ERCC8: variants seen among roughly 807,000 people sequenced by gnomAD.
ERCC8 encodes the protein ERCC excision repair 8, CSA ubiquitin ligase complex subunit.
ERCC8 carries 52 observed loss-of-function variants against 54.9 expected under a neutral mutation model. The observed-to-expected ratio is 0.95, with a 90% confidence interval of 0.76 to 1.19. The LOEUF (loss-of-function observed/expected upper bound fraction) is 1.19, where lower values mean the gene tolerates loss of function less well. ERCC8 is among the 50% of genes most tolerant of loss of function. The pLI is 0.00. For synonymous variants in ERCC8, 146 were observed against 157.2 expected (o/e 0.93, Z 0.53); for missense variants, 514 against 466.1 (o/e 1.10, Z -0.95).
At chr5:60,920,269 A>C (rs1414377153) in intron 3 of ERCC8, among the ~76,000 whole-genome samples, 1 of 152,002 alleles carries the variant, frequency 6.6e-6, no homozygotes, top group Non-Finnish European at 1.5e-5. Flanking sequence ...ATTTCGCTTA[A>C]GATAAGCAGA....
At chr5:60,927,426 T>C (rs1327754383) in intron 2 of ERCC8, among the ~76,000 whole-genome samples, 1 of 152,256 alleles carries the variant, frequency 6.6e-6, no homozygotes, top group African/African-American at 2.4e-5. Context: ...AGTTGTAGAC[T>C]TTTACCGTGC....
intron 1 of ERCC8, among the ~76,000 whole-genome samples, chr5:60,937,521 C>T (rs957901480): frequency 6.6e-6 from 1 of 152,116 alleles, no homozygotes; most frequent in Non-Finnish European, 1.5e-5. Flanking sequence ...GAGTTATGTT[C>T]CCAGGGGGAT....
At chr5:60,915,089 C>G (rs955462024) in intron 4 of ERCC8, 1 of 151,904 alleles carries the variant, frequency 6.6e-6, no homozygotes, top group Non-Finnish European at 1.5e-5. Context: ...GATATGCTGG[C>G]CCCATAAAAA....
chr5:60,912,941 C>G (rs1461401040), intron 4 of ERCC8, among the ~76,000 whole-genome samples: 1 of 152,094 alleles, frequency 6.6e-6, no homozygotes, highest in African/African-American at 2.4e-5. Context: ...AGGGATGAAG[C>G]CCACTTGATC....
intron 4 of ERCC8, among the ~76,000 whole-genome samples, chr5:60,908,883 T>C (rs757909289): frequency 3.9e-5 from 6 of 152,126 alleles, no homozygotes; most frequent in Non-Finnish European, 7.4e-5. Context: ...TTTTGTGAAA[T>C]ACCTTTGACC....
chr5:60,877,451 T>C (rs1326812081), intron 11 of ERCC8, among the ~76,000 whole-genome samples: 2 of 152,228 alleles, frequency 1.3e-5, no homozygotes, highest in Admixed American at 1.3e-4. Flanking sequence ...ATTGAATCTA[T>C]AAATTACCTT....
At chr5:60,885,627 A>G (rs2112469515) in intron 11 of ERCC8, among the ~76,000 whole-genome samples, 1 of 152,278 alleles carries the variant, frequency 6.6e-6, no homozygotes, top group Admixed American at 6.5e-5. Flanking sequence ...TCAAGCCACA[A>G]TAAACCAAAT....
intron 4 of ERCC8, among the ~76,000 whole-genome samples, chr5:60,917,767 G>A (rs1005953713): frequency 6.6e-6 from 1 of 151,982 alleles, no homozygotes; most frequent in Non-Finnish European, 1.5e-5. Flanking sequence ...CACTCGGAAT[G>A]TAAATTTGAC....
chr5:60,931,281 G>C (rs755014243), intron 1 of ERCC8, among the ~76,000 whole-genome samples: 1 of 152,062 alleles, frequency 6.6e-6, no homozygotes, highest in African/African-American at 2.4e-5. Context: ...TGGCTGAGCC[G>C]CATTTGAACT....
chr5:60,891,014 C>T lies in ERCC8; in HGVS notation c.916G>A (p.Glu306Lys). ...CTACCATATGGTACAAAAACAAATT[C>T]TGAACTGCAGCCACAGGAGACAGTG... ...KFTVSCGCSSEFVFVPYGSTI... is the reference protein window; with the variant it reads ...KFTVSCGCSSKFVFVPYGSTI... Residue 306 changes from glutamate to lysine, a missense_variant, in exon 10 of 12, where the codon GAA (glutamate) becomes AAA (lysine). Glu to Lys is a moderately conservative substitution (Grantham distance 56). Coordinates refer to ENST00000676185, the MANE Select transcript of ERCC8 (RefSeq NM_000082.4). 1 of 1,613,544 alleles carries T rather than the reference C, an allele frequency of 6.2e-7. No homozygotes were observed. Among genetic ancestry groups the T allele is most frequent in the Non-Finnish European group, 8.5e-7 (1 of 1,179,760 alleles).
At chr5:60,905,224 T>A (rs1749036759) in intron 4 of ERCC8, among the ~76,000 whole-genome samples, 1 of 152,204 alleles carries the variant, frequency 6.6e-6, no homozygotes, top group Admixed American at 6.5e-5. Context: ...CCGTATAACC[T>A]GAGCTACCAC....
At chr5:60,930,802 A>G (rs1028709970) in intron 1 of ERCC8, among the ~76,000 whole-genome samples, 1 of 152,072 alleles carries the variant, frequency 6.6e-6, no homozygotes, top group African/African-American at 2.4e-5. Context: ...ATCAATAACA[A>G]TAACAGCTAA....
In ERCC8 at chr5:60,874,519, G is replaced by T; in HGVS notation, c.*96C>A. On this transcript the variant is annotated 3_prime_UTR_variant, in exon 12 of 12. Transcript: ENST00000676185. Reference sequence around the variant, plus strand: ...AGGAAAAATATTACCCACATTTAGGGCTAATTTAGCTGTCAGGAATAGACC... The same window carrying T: ...AGGAAAAATATTACCCACATTTAGGTCTAATTTAGCTGTCAGGAATAGACC... 3 of 1,023,402 alleles carry T rather than the reference G, an allele frequency of 2.9e-6. No individual in the cohort carries two copies. The highest frequency in any genetic ancestry group is 1.4e-5 in the South Asian group (1 of 69,214). The allele number at this position is 1,023,402 out of a possible 1,614,324, so 63.4% of individuals were successfully genotyped here. A position where few individuals can be genotyped will look rare whatever the true frequency, so the allele number is the denominator to read the frequency against.
At chr5:60,925,008 G>A (rs867671442) in intron 2 of ERCC8, among the ~76,000 whole-genome samples, 12 of 151,820 alleles carry the variant, frequency 7.9e-5, no homozygotes, top group African/African-American at 2.7e-4. Context: ...ACTTCTTTCC[G>A]GTGTGACTTC....
chr5:60,916,986 T>C (rs1457498679), intron 4 of ERCC8, among the ~76,000 whole-genome samples: 2 of 152,038 alleles, frequency 1.3e-5, no homozygotes, highest in African/African-American at 4.8e-5. Flanking sequence ...GAGAATGTAT[T>C]GAAATAGGAA....
chr5:60,906,091 A>G (rs1350969862), intron 4 of ERCC8, among the ~76,000 whole-genome samples: 1 of 152,170 alleles, frequency 6.6e-6, no homozygotes, highest in African/African-American at 2.4e-5. Context: ...GTGATGTTAT[A>G]TGCAGGAGTA....
intron 9 of ERCC8, chr5:60,892,487 C>A: frequency 1.2e-5 from 7 of 575,758 alleles, no homozygotes; most frequent in South Asian, 1.1e-4. Context: ...AGAAGCTGAT[C>A]TTCCCGCTCA....
intron 11 of ERCC8, among the ~76,000 whole-genome samples, 166 bp from the exon 12 acceptor site, chr5:60,874,849 T>C (rs567869945): frequency 3.9e-4 from 59 of 152,354 alleles, no homozygotes; most frequent in African/African-American, 1.3e-3. Context: ...ACAACCCATA[T>C]ACAATATAAG....
At chr5:60,938,494 C>G (rs1047193773) in intron 1 of ERCC8, among the ~76,000 whole-genome samples, 9 of 151,894 alleles carry the variant, frequency 5.9e-5, no homozygotes, top group Non-Finnish European at 1.0e-4. Context: ...GCTGGGATTA[C>G]AGGCGTGTGC....
Sources: allele counts gnomAD v4.1 joint callset (sites outside exome capture counted in the v4.1 genomes callset), GRCh38; gene constraint gnomAD v4.1.1; transcripts MANE v1.5; gene names NCBI Gene and HGNC (gene_info 2026-07-23, HGNC 2026-07-21).